The following HTT variants were observed in gnomAD, a reference collection of about 807,000 sequenced individuals.
The protein encoded by HTT is huntington disease protein.
In HTT, 104 loss-of-function variants were observed where a neutral mutation model predicts 362.3. That is an observed-to-expected ratio of 0.29 (90% CI 0.24 to 0.34). The LOEUF (loss-of-function observed/expected upper bound fraction) is 0.34. Among genes scored for constraint, HTT ranks in the 10% least tolerant of loss-of-function variants. The probability of loss-of-function intolerance (pLI) is 1.00; values close to 1 mark genes in which losing one functional copy is unlikely to be tolerated. For synonymous variants in HTT, 1,577 were observed against 1,548.7 expected (o/e 1.02, Z -0.43); for missense variants, 3,301 against 3,928.6 (o/e 0.84, Z 4.27).
intron 2 of HTT, among the ~76,000 whole-genome samples, chr4:3,092,808 C>A (rs528750702): frequency 3.9e-5 from 6 of 152,296 alleles, no homozygotes; most frequent in African/African-American, 1.4e-4. Flanking sequence ...ATCTTCTTGC[C>A]TTGAAATAGT....
At chr4:3,217,640 C>A in intron 51 of HTT, 125 bp from the exon 52 acceptor site, 1 of 771,636 alleles carries the variant, frequency 1.3e-6, no homozygotes, top group Non-Finnish European at 2.1e-6. Context: ...CCTTCAGTGG[C>A]CAACTCAGAG....
Position 3,074,929 on chromosome 4 carries a change from A to AGCAGCAGCG in HTT, c.110_111insGCGGCAGCA (p.Gln37_Gln38insArgGlnGln), listed in dbSNP as rs1491143900. On this transcript the variant is annotated inframe_insertion, in exon 1 of 67. Coordinates refer to ENST00000355072, the MANE Select transcript of HTT (RefSeq NM_001388492.1). ...CAGCAGCAGCAGCAGCAGCAGCAGCAGCAGCAACAGCCGCCACCGCCGCCG... is the reference window on the plus strand; with the variant it reads ...CAGCAGCAGCAGCAGCAGCAGCAGCAGCAGCAGCGGCAGCAACAGCCGCCACCGCCGCCG... 6 of 1,418,860 alleles carry AGCAGCAGCG rather than the reference A, an allele frequency of 4.2e-6. No individual in the cohort carries two copies. Among genetic ancestry groups the AGCAGCAGCG allele is most frequent in the Non-Finnish European group, 4.7e-6 (5 of 1,069,724 alleles). 87.9% of individuals were successfully genotyped at this position (1,418,860 alleles called of 1,614,324 possible). A position where few individuals can be genotyped will look rare whatever the true frequency, so the allele number is the denominator to read the frequency against.
At chr4:3,237,559 C>T (rs556330205) in intron 64 of HTT, among the ~76,000 whole-genome samples, 3 of 152,054 alleles carry the variant, frequency 2.0e-5, no homozygotes, top group Admixed American at 6.5e-5. Flanking sequence ...GCACGCCTTC[C>T]GCTTGACCGC....
intron 40 of HTT, among the ~76,000 whole-genome samples, chr4:3,193,322 C>T (rs1719103491): frequency 1.3e-5 from 2 of 152,256 alleles, no homozygotes; most frequent in South Asian, 4.1e-4. Context: ...GATTATGCTT[C>T]ACTGACCACT....
chr4:3,074,686 C>T lies in HTT; in HGVS notation c.-140C>T, dbSNP rs1423140398. 2.3e-6 allele frequency: 2 copies of T among 851,672 alleles called. No individual in the cohort carries two copies. Among genetic ancestry groups the T allele is most frequent in the South Asian group, 2.8e-5 (1 of 35,640 alleles). The allele number at this position is 851,672 out of a possible 1,614,324, so 52.8% of individuals were successfully genotyped here. A position where few individuals can be genotyped will look rare whatever the true frequency, so the allele number is the denominator to read the frequency against. On this transcript the variant is annotated 5_prime_UTR_variant, in exon 1 of 67. Transcript: ENST00000355072. ...GGACGCAAGGCGCCGTGGGGGCTGCCGGGACGGGTCCAAGATGGACGGCCG... is the reference window on the plus strand; with the variant it reads ...GGACGCAAGGCGCCGTGGGGGCTGCTGGGACGGGTCCAAGATGGACGGCCG...
At chr4:3,163,768 T>C (rs1417384705) in intron 29 of HTT, among the ~76,000 whole-genome samples, 1 of 152,192 alleles carries the variant, frequency 6.6e-6, no homozygotes, top group Non-Finnish European at 1.5e-5. Context: ...GGTGGTGATA[T>C]CCCCTTTATC....
At chr4:3,096,697 G>A (rs1713873754) in intron 2 of HTT, among the ~76,000 whole-genome samples, 1 of 152,216 alleles carries the variant, frequency 6.6e-6, no homozygotes, top group African/African-American at 2.4e-5. Context: ...AACTTGTGGG[G>A]TGCTGTTACA....
intron 40 of HTT, among the ~76,000 whole-genome samples, chr4:3,197,482 C>G (rs543464568): frequency 3.2e-4 from 49 of 152,230 alleles, no homozygotes; most frequent in African/African-American, 1.2e-3. Flanking sequence ...CTCCTCCTCT[C>G]TATCTACTAG....
chr4:3,207,206 T>C, intron 44 of HTT, 75 bp from the exon 45 acceptor site: 1 of 1,340,124 alleles, frequency 7.5e-7, no homozygotes, highest in Non-Finnish European at 1.1e-6. Context: ...CATCAGTTCA[T>C]CCTTTTTAAA....
intron 2 of HTT, among the ~76,000 whole-genome samples, chr4:3,095,099 A>G (rs965033693): frequency 6.7e-6 from 1 of 149,686 alleles, no homozygotes; most frequent in African/African-American, 2.5e-5. Flanking sequence ...GCCAGGCAGA[A>G]ACGCTCCTCA....
chr4:3,145,329 A>G (rs1716548245), intron 24 of HTT, 101 bp downstream of exon 24: 1 of 896,806 alleles, frequency 1.1e-6, no homozygotes, highest in Non-Finnish European at 1.8e-6. Context: ...GTCTTTTATC[A>G]ATTTGGCTTT....
Position 3,240,346 on chromosome 4 carries a change from T to G in HTT, c.*287T>G. 2 of 467,058 alleles carry G rather than the reference T, an allele frequency of 4.3e-6. No homozygotes were observed. The highest frequency in any genetic ancestry group is 4.0e-5 in the East Asian group (1 of 24,760). 28.9% of individuals were successfully genotyped at this position (467,058 alleles called of 1,614,324 possible). On this transcript the variant is annotated 3_prime_UTR_variant, in exon 67 of 67. Transcript: ENST00000355072. ...TGGGTGACCAGGTCCTTTCTCCTGA[T>G]AGTCACCTGCTGGTTGTTGCCAGGT...
intron 12 of HTT, chr4:3,129,035 T>G (rs1481883444): frequency 6.6e-6 from 1 of 152,232 alleles, no homozygotes; most frequent in African/African-American, 2.4e-5. Flanking sequence ...GTATTTGTTT[T>G]ACTTAGCATA....
intron 2 of HTT, among the ~76,000 whole-genome samples, chr4:3,098,329 A>G (rs1242672972): frequency 3.9e-5 from 6 of 152,228 alleles, no homozygotes. Flanking sequence ...CTATCTTCCA[A>G]CCATTGTTTG....
chr4:3,151,014 G>C lies in HTT; in HGVS notation c.3498+2807G>C, dbSNP rs542279969. Among the ~76,000 whole-genome samples the C allele has an allele frequency of 3.3e-5, 5 of 151,974 alleles. No homozygotes were observed. In the South Asian group the frequency reaches 1.0e-3, roughly 32 times the overall value. On this transcript the variant is annotated intron_variant, in intron 26 of 66. Coordinates refer to ENST00000355072, the MANE Select transcript of HTT (RefSeq NM_001388492.1). ...AGATTGTGCCATTGCACTCCAGCCT[G>C]GGCGACAGAGCGAGACTCTGTCTCA...
intron 59 of HTT, among the ~76,000 whole-genome samples, 153 bp from the exon 60 acceptor site, chr4:3,229,734 G>A (rs538117618): frequency 1.3e-3 from 203 of 151,970 alleles, no homozygotes; most frequent in Middle Eastern, 6.8e-3. Context: ...CACAGCACAC[G>A]CATACACCAC....
Position 3,212,006 on chromosome 4 carries a change from T to C in HTT, c.6492T>C (p.Leu2164=), listed in dbSNP as rs1448460617. The change falls in exon 48 of 67, where the codon CTT becomes CTC. Residue 2164 remains leucine (L), a synonymous_variant. Coordinates refer to ENST00000355072, the MANE Select transcript of HTT (RefSeq NM_001388492.1). ...TTTCTGGTGGCCAGAAGAGTGCCCTTTTTGAAGCAGCCCGTGAGGTGACTC... is the reference window on the plus strand; with the variant it reads ...TTTCTGGTGGCCAGAAGAGTGCCCTCTTTGAAGCAGCCCGTGAGGTGACTC... ...SEISGGQKSA[L]FEAAREVTLA... The C allele has an allele frequency of 6.2e-7, 1 of 1,614,210 alleles. No homozygotes were observed. Among genetic ancestry groups the C allele is most frequent in the South Asian group, 1.1e-5 (1 of 91,092 alleles).
intron 29 of HTT, among the ~76,000 whole-genome samples, chr4:3,166,661 C>G (rs1481623834): frequency 6.6e-6 from 1 of 152,234 alleles, no homozygotes; most frequent in Non-Finnish European, 1.5e-5. Context: ...ACCCCTCCCC[C>G]AGCCAAGCTC....
chr4:3,127,638 T>A lies in HTT; in HGVS notation c.1743+34T>A, dbSNP rs777994150. The A allele has an allele frequency of 5.4e-6, 8 of 1,480,540 alleles. No individual in the cohort carries two copies. The African/African-American group carries it at 1.1e-4, about 21-fold the overall frequency. 91.7% of individuals were successfully genotyped at this position (1,480,540 alleles called of 1,614,324 possible). On this transcript the variant is annotated intron_variant, in intron 12 of 66. Coordinates refer to ENST00000355072, the MANE Select transcript of HTT (RefSeq NM_001388492.1). ...GCAGAGGGGCCTGACATCTTTTTTTTTATTTTTTATTTGAGACAGAGTCTC... is the reference window on the plus strand; with the variant it reads ...GCAGAGGGGCCTGACATCTTTTTTTATATTTTTTATTTGAGACAGAGTCTC...
Sources: allele counts gnomAD v4.1 joint callset (sites outside exome capture counted in the v4.1 genomes callset), GRCh38; gene constraint gnomAD v4.1.1; transcripts MANE v1.5; gene names NCBI Gene and HGNC (gene_info 2026-07-23, HGNC 2026-07-21).